The following KRT222 variants were observed in gnomAD, a reference collection of about 807,000 sequenced individuals.
The protein encoded by KRT222 is keratin 222.
A neutral mutation model predicts 35.0 loss-of-function variants in KRT222; 23 were observed. That is an observed-to-expected ratio of 0.66 (90% CI 0.47 to 0.93). KRT222 has a LOEUF of 0.93. Among genes scored for constraint, KRT222 ranks in the 40% least tolerant of loss-of-function variants. The probability of loss-of-function intolerance (pLI) is 0.00; values close to 1 mark genes in which losing one functional copy is unlikely to be tolerated. For synonymous variants in KRT222, 108 were observed against 118.8 expected (o/e 0.91, Z 0.59); for missense variants, 339 against 346.3 (o/e 0.98, Z 0.17).
chr17:40,657,839 C>A, intron 3 of KRT222, 89 bp from the exon 4 acceptor site: 1 of 857,590 alleles, frequency 1.2e-6, no homozygotes. Context: ...CGTATATTCA[C>A]GCAATAGAAA....
chr17:40,658,438 T>C lies in KRT222; in HGVS notation c.447-688A>G, dbSNP rs543166539. Among the ~76,000 whole-genome samples, 3 of 152,260 alleles carry C rather than the reference T, an allele frequency of 2.0e-5. No homozygotes were observed. The South Asian group carries it at 6.2e-4, about 32-fold the overall frequency. ...ATAGTTACATATATACATATACATA[T>C]GTATATACATGATATGTATACACAC... On this transcript the variant is annotated intron_variant, in intron 3 of 5. Coordinates refer to ENST00000394052, the MANE Select transcript of KRT222 (RefSeq NM_152349.3).
intron 5 of KRT222, among the ~76,000 whole-genome samples, chr17:40,656,993 G>A (rs773553752): frequency 5.6e-4 from 85 of 152,048 alleles, no homozygotes; most frequent in Non-Finnish European, 5.9e-5. Context: ...CAGATCATGA[G>A]GTCAGGAGAA....
At chr17:40,660,440 C>T (rs545826507) in intron 2 of KRT222, among the ~76,000 whole-genome samples, 4 of 151,762 alleles carry the variant, frequency 2.6e-5, no homozygotes, top group East Asian at 1.9e-4. Context: ...CCACCACGCC[C>T]GGCTAATTTT....
chr17:40,662,443 G>A (rs1035684556), intron 1 of KRT222, among the ~76,000 whole-genome samples: 1 of 152,166 alleles, frequency 6.6e-6, no homozygotes, highest in African/African-American at 2.4e-5. Context: ...AGGCTGCTTT[G>A]CAGAAGCAGA....
intron 3 of KRT222, among the ~76,000 whole-genome samples, chr17:40,659,322 A>G (rs184687924): frequency 2.6e-5 from 4 of 151,854 alleles, no homozygotes; most frequent in Admixed American, 2.6e-4. Context: ...TGCCCGGCTA[A>G]TTTTTGTATT....
At chr17:40,657,621 C>A in intron 4 of KRT222, 53 bp downstream of exon 4, 1 of 1,518,248 alleles carries the variant, frequency 6.6e-7, no homozygotes, top group Non-Finnish European at 9.1e-7. Context: ...TAAAGTAATC[C>A]CTGTAAATAG....
rs2037333440 is a variant in KRT222 at position 40,654,786 on chromosome 17, A to G, written c.*1616T>C. On this transcript the variant is annotated 3_prime_UTR_variant, in exon 6 of 6. Coordinates refer to ENST00000394052, the MANE Select transcript of KRT222 (RefSeq NM_152349.3). ...AGTTAGTAGCATTTAGCAATATCAA[A>G]TGAAACATTTTTTATGTATAGGATG... is the stretch of plus-strand genomic sequence containing the variant. The G allele has an allele frequency of 6.6e-6, 1 of 152,042 alleles. No homozygotes were observed. The highest frequency in any genetic ancestry group is 1.9e-4 in the East Asian group (1 of 5,184). The allele number at this position is 152,042 out of a possible 1,614,324, so 9.4% of individuals were successfully genotyped here. A position where few individuals can be genotyped will look rare whatever the true frequency, so the allele number is the denominator to read the frequency against.
intron 2 of KRT222, among the ~76,000 whole-genome samples, chr17:40,660,452 T>G (rs2037375738): frequency 6.6e-6 from 1 of 152,050 alleles, no homozygotes; most frequent in Admixed American, 6.5e-5. Flanking sequence ...GCTAATTTTT[T>G]GTATCTTTAG....
At position 40,655,219 on chromosome 17, in the gene KRT222, T is replaced by A. The variant is rs990918384; in HGVS notation, c.*1183A>T. 2.0e-5 allele frequency: 3 copies of A among 151,564 alleles called. No individual in the cohort carries two copies. Among genetic ancestry groups the A allele is most frequent in the Non-Finnish European group, 4.4e-5 (3 of 67,808 alleles). The allele number at this position is 151,564 out of a possible 1,614,324, so 9.4% of individuals were successfully genotyped here. On this transcript the variant is annotated 3_prime_UTR_variant, in exon 6 of 6. Coordinates refer to ENST00000394052, the MANE Select transcript of KRT222 (RefSeq NM_152349.3). The stretch of plus-strand genomic sequence containing the variant: ...AGTATGGTGAGTTGTACTCAGCTAC[T>A]TTTTCTGCTTAGAAAAGAATTAAGA...
At position 40,655,386 on chromosome 17, in the gene KRT222, A is replaced by G. The variant is rs1342524859; in HGVS notation, c.*1016T>C. 6.6e-6 allele frequency: 1 copy of G among 152,084 alleles called. No homozygotes were observed. Among genetic ancestry groups the G allele is most frequent in the Non-Finnish European group, 1.5e-5 (1 of 67,948 alleles). 9.4% of individuals were successfully genotyped at this position (152,084 alleles called of 1,614,324 possible). A position where few individuals can be genotyped will look rare whatever the true frequency, so the allele number is the denominator to read the frequency against. On this transcript the variant is annotated 3_prime_UTR_variant, in exon 6 of 6. Transcript: ENST00000394052. ...ATATTTTCTACCCATATTTATTACA[A>G]TTTGAACGATTTAAAAACAAATCCT...
At chr17:40,660,757 G>A (rs1597757832) in intron 2 of KRT222, among the ~76,000 whole-genome samples, 2 of 150,218 alleles carry the variant, frequency 1.3e-5, no homozygotes, top group Admixed American at 6.7e-5. Context: ...AATTCTTACT[G>A]AAAAAAAAAT....
chr17:40,664,845 CT>C, intron 1 of KRT222, 158 bp downstream of exon 1: 1 of 1,208,152 alleles, frequency 8.3e-7, no homozygotes, highest in Non-Finnish European at 1.1e-6. Flanking sequence ...GTATTTCCCC[CT>C]GTAGTCCCAG....
chr17:40,659,956 C>A (rs1567853321), intron 3 of KRT222, 31 bp downstream of exon 3: 1 of 1,575,056 alleles, frequency 6.3e-7, no homozygotes, highest in East Asian at 2.2e-5. Context: ...TATTTCTGGC[C>A]CCTTGTCATT....
At chr17:40,660,284 C>CT (rs35466162) in intron 2 of KRT222, 77 bp from the exon 3 acceptor site, 44,472 of 927,470 alleles carry the variant, frequency 0.048, 136 homozygotes, top group Non-Finnish European at 0.053. Flanking sequence ...ATATCTTCAT[C>CT]TTTTTTTTTT....
chr17:40,661,963 G>A lies in KRT222; in HGVS notation c.178C>T (p.Arg60Cys), dbSNP rs145393907. ...TCCACTTGCAGGTGGTGCCACTGGC[G>A]TCGGGCCTCCTTGAGTTCTGCTTGA... ...AAQAELKEARRQWHHLQVEIE... is the reference protein window; with the variant it reads ...AAQAELKEARCQWHHLQVEIE... The change falls in exon 2 of 6, where the codon CGC becomes TGC. Residue 60 changes from arginine (R) to cysteine (C), a missense_variant. By Grantham distance (180) the Arg-to-Cys change is radical. Transcript: ENST00000394052. 20 of 1,613,994 alleles carry A rather than the reference G, an allele frequency of 1.2e-5. No individual in the cohort carries two copies. The highest frequency in any genetic ancestry group is 9.3e-5 in the African/African-American group (7 of 74,884).
In KRT222 at chr17:40,656,277, C is replaced by T. The variant is rs191029390; in HGVS notation, c.*125G>A. On this transcript the variant is annotated 3_prime_UTR_variant, in exon 6 of 6. Coordinates refer to ENST00000394052, the MANE Select transcript of KRT222 (RefSeq NM_152349.3). ...TATTGTTTTTTTCTTCTGAAGAGAA[C>T]CACATATTGATCATAACATTTTCCA... 1.6e-6 allele frequency: 1 copy of T among 642,278 alleles called. No individual in the cohort carries two copies. Among genetic ancestry groups the T allele is most frequent in the African/African-American group, 1.8e-5 (1 of 55,200 alleles). 39.8% of individuals were successfully genotyped at this position (642,278 alleles called of 1,614,324 possible). A position where few individuals can be genotyped will look rare whatever the true frequency, so the allele number is the denominator to read the frequency against.
chr17:40,663,148 AG>A (rs904072943), intron 1 of KRT222, among the ~76,000 whole-genome samples: 1 of 152,222 alleles, frequency 6.6e-6, no homozygotes, highest in African/African-American at 2.4e-5. Context: ...AGAAGAAAAC[AG>A]AAAAATGCTG....
At chr17:40,658,251 T>A (rs936112239) in intron 3 of KRT222, among the ~76,000 whole-genome samples, 1 of 152,156 alleles carries the variant, frequency 6.6e-6, no homozygotes, top group Non-Finnish European at 1.5e-5. Flanking sequence ...GCCTAATTTT[T>A]TTAAAGTTTT....
At chr17:40,657,839 C>T (rs550104021) in intron 3 of KRT222, 89 bp from the exon 4 acceptor site, 9 of 857,590 alleles carry the variant, frequency 1.0e-5, no homozygotes, top group East Asian at 2.4e-5. Context: ...CGTATATTCA[C>T]GCAATAGAAA....
Sources: allele counts gnomAD v4.1 joint callset (sites outside exome capture counted in the v4.1 genomes callset), GRCh38; gene constraint gnomAD v4.1.1; transcripts MANE v1.5; gene names NCBI Gene and HGNC (gene_info 2026-07-23, HGNC 2026-07-21).